The following CMSS1 variants were observed in gnomAD, a reference collection of about 807,000 sequenced individuals.
CMSS1 encodes the protein protein CMSS1.
CMSS1 carries 33 observed loss-of-function variants against 43.5 expected under a neutral mutation model. The ratio of observed to expected loss-of-function variants is 0.76; its 90% CI spans 0.57 to 1.01. The LOEUF is 1.01. CMSS1 is among the 50% of genes least tolerant of loss of function. CMSS1 has a pLI of 0.00. For synonymous variants in CMSS1, 115 were observed against 117.2 expected, an observed-to-expected ratio of 0.98 and a Z score of 0.12; for missense variants, 313 against 326.4, an observed-to-expected ratio of 0.96 and a Z score of 0.32.
intron 1 of CMSS1, among the ~76,000 whole-genome samples, chr3:100,056,701 T>TA (rs71299385): frequency 0.16 from 23,903 of 145,258 alleles, 2,183 homozygotes; most frequent in South Asian, 0.22. Flanking sequence ...TCTAGACCAT[T>TA]AAAAAAAAAA....
chr3:99,939,837 T>C (rs1286391126), intron 1 of CMSS1, among the ~76,000 whole-genome samples: 1 of 152,246 alleles, frequency 6.6e-6, no homozygotes, highest in Non-Finnish European at 1.5e-5. Flanking sequence ...TCAATAATTT[T>C]AGTTTACAAA....
At chr3:99,869,588 G>T (rs1201974543) in intron 1 of CMSS1, among the ~76,000 whole-genome samples, 1 of 152,004 alleles carries the variant, frequency 6.6e-6, no homozygotes, top group Non-Finnish European at 1.5e-5. Flanking sequence ...TCACTGAATG[G>T]GTGTTTGTCT....
chr3:100,118,000 G>A (rs1408357503), intron 1 of CMSS1, among the ~76,000 whole-genome samples: 2 of 150,912 alleles, frequency 1.3e-5, no homozygotes, highest in South Asian at 4.2e-4. Flanking sequence ...GACAGATACT[G>A]TTATGATTCC....
At chr3:99,876,803 C>T (rs1457016273) in intron 1 of CMSS1, among the ~76,000 whole-genome samples, 1 of 152,140 alleles carries the variant, frequency 6.6e-6, no homozygotes, top group African/African-American at 2.4e-5. Flanking sequence ...AGAACTTCCT[C>T]TTTCCCCATT....
Position 99,927,016 on chromosome 3 carries a change from C to T in CMSS1, c.64+108973C>T, listed in dbSNP as rs554358445. 4.6e-5 allele frequency among the ~76,000 whole-genome samples: 7 copies of T among 152,324 alleles called. No homozygotes were observed. In the South Asian group the frequency reaches 1.5e-3, roughly 32 times the overall value. Reference sequence around the variant, plus strand: ...TCGGGGCCAAAAGGCCCTTCACCATCTGAACCTCCTGCCACCTTGGCCCCA... The same window carrying T: ...TCGGGGCCAAAAGGCCCTTCACCATTTGAACCTCCTGCCACCTTGGCCCCA... On this transcript the variant is annotated intron_variant, in intron 1 of 9. Transcript: ENST00000421999.
chr3:100,077,226 A>G (rs2065863932), intron 1 of CMSS1, among the ~76,000 whole-genome samples: 1 of 152,222 alleles, frequency 6.6e-6, no homozygotes, highest in Non-Finnish European at 1.5e-5. Context: ...AAATGGGAAC[A>G]CACCATCATG....
At chr3:99,844,158 T>C (rs1943259732) in intron 1 of CMSS1, among the ~76,000 whole-genome samples, 1 of 152,190 alleles carries the variant, frequency 6.6e-6, no homozygotes, top group African/African-American at 2.4e-5. Context: ...TCTTACAGCA[T>C]ATTGCTAGCC....
intron 6 of CMSS1, among the ~76,000 whole-genome samples, chr3:100,168,488 G>A (rs2067082499): frequency 6.6e-6 from 1 of 152,064 alleles, no homozygotes; most frequent in African/African-American, 2.4e-5. Flanking sequence ...GAGCCCTGGA[G>A]CTTGAGACCA....
chr3:99,966,558 T>C (rs1362331209), intron 1 of CMSS1, among the ~76,000 whole-genome samples: 1 of 152,220 alleles, frequency 6.6e-6, no homozygotes, highest in Admixed American at 6.5e-5. Flanking sequence ...ATTAACTTTA[T>C]AAACATTCAA....
At chr3:100,139,195 G>T (rs991060095) in intron 1 of CMSS1, among the ~76,000 whole-genome samples, 65 of 152,232 alleles carry the variant, frequency 4.3e-4, no homozygotes, top group African/African-American at 1.5e-3. Flanking sequence ...CTGTTGTTGG[G>T]TGAGGGGTGA....
intron 1 of CMSS1, among the ~76,000 whole-genome samples, chr3:99,976,841 G>A (rs1312067577): frequency 6.6e-6 from 1 of 151,944 alleles, no homozygotes; most frequent in South Asian, 2.1e-4. Context: ...TATTTCTTCT[G>A]TTCTTTCCTC....
chr3:99,962,405 G>A (rs1412532755), intron 1 of CMSS1, among the ~76,000 whole-genome samples: 3 of 152,140 alleles, frequency 2.0e-5, no homozygotes, highest in East Asian at 3.8e-4. Context: ...TTCTGCATGA[G>A]GTCATTTAGG....
At chr3:99,870,850 G>A (rs375107675) in intron 1 of CMSS1, among the ~76,000 whole-genome samples, 132 of 152,286 alleles carry the variant, frequency 8.7e-4, no homozygotes, top group South Asian at 4.4e-3. Context: ...TTTGTGCCCC[G>A]TAAGTGCATC....
chr3:100,031,590 G>C (rs953331147), intron 1 of CMSS1, among the ~76,000 whole-genome samples: 2 of 152,224 alleles, frequency 1.3e-5, no homozygotes, highest in Admixed American at 6.6e-5. Context: ...AACAAGACCT[G>C]AGACCCGCAT....
chr3:100,091,787 C>T (rs1284393188), intron 1 of CMSS1, among the ~76,000 whole-genome samples: 1 of 152,152 alleles, frequency 6.6e-6, no homozygotes, highest in Non-Finnish European at 1.5e-5. Flanking sequence ...CCAATATTTT[C>T]CTTAAGACAG....
chr3:100,130,973 A>G (rs901179147), intron 1 of CMSS1, among the ~76,000 whole-genome samples: 1 of 152,200 alleles, frequency 6.6e-6, no homozygotes, highest in Non-Finnish European at 1.5e-5. Context: ...AAGACAAAGG[A>G]GGAGAGAGTG....
At chr3:100,095,452 A>G (rs191716505) in intron 1 of CMSS1, among the ~76,000 whole-genome samples, 8 of 152,338 alleles carry the variant, frequency 5.3e-5, no homozygotes, top group Admixed American at 1.3e-4. Context: ...AAAATAATAC[A>G]TATTTAAAAA....
Position 99,949,493 on chromosome 3 carries a change from C to T in CMSS1, c.64+131450C>T, listed in dbSNP as rs75217703. Among the ~76,000 whole-genome samples the T allele has an allele frequency of 5.5e-3, 831 of 152,286 alleles. 5 individuals carry two copies. The highest frequency in any genetic ancestry group is 9.7e-3 in the Non-Finnish European group (661 of 68,014). On this transcript the variant is annotated intron_variant, in intron 1 of 9. Transcript: ENST00000421999. ...TCTGTGCTTCCACGTATAGTCCCAC[C>T]TTTCAACAGGCAATTTTACTCGCAG...
At chr3:99,965,132 G>A (rs1209153097) in intron 1 of CMSS1, among the ~76,000 whole-genome samples, 1 of 152,198 alleles carries the variant, frequency 6.6e-6, no homozygotes, top group Non-Finnish European at 1.5e-5. Context: ...AATGTTTTCT[G>A]AAGCAATGTT....
Sources: allele counts gnomAD v4.1 joint callset (sites outside exome capture counted in the v4.1 genomes callset), GRCh38; gene constraint gnomAD v4.1.1; transcripts MANE v1.5; gene names NCBI Gene and HGNC (gene_info 2026-07-23, HGNC 2026-07-21).